Variants in CLASP1 observed in about 807,000 individuals in gnomAD.
CLASP1 encodes the protein CLIP-associating protein 1.
A neutral mutation model predicts 192.3 loss-of-function variants in CLASP1; 38 were observed. The observed-to-expected ratio is 0.20, with a 90% CI of 0.15 to 0.26. The LOEUF is 0.26. Among genes scored for constraint, CLASP1 ranks in the 10% least tolerant of loss-of-function variants. CLASP1 has a pLI of 1.00. For synonymous variants in CLASP1, 691 were observed against 712.8 expected, an observed-to-expected ratio of 0.97 and a Z score of 0.49; for missense variants, 1,433 against 1,932.5, an observed-to-expected ratio of 0.74 and a Z score of 4.85.
chr2:121,389,704 G>C (rs1221211157), intron 30 of CLASP1, among the ~76,000 whole-genome samples: 2 of 152,254 alleles, frequency 1.3e-5, no homozygotes, highest in Non-Finnish European at 2.9e-5. Context: ...TTATTTAAGA[G>C]ACAATATTTC....
At chr2:121,509,244 C>T (rs1168397915) in intron 7 of CLASP1, among the ~76,000 whole-genome samples, 1 of 152,142 alleles carries the variant, frequency 6.6e-6, no homozygotes, top group Admixed American at 6.5e-5. Flanking sequence ...GGCACGATCC[C>T]AGCTCACTGC....
intron 3 of CLASP1, 146 bp from the exon 4 acceptor site, chr2:121,528,926 C>A: frequency 1.5e-6 from 1 of 671,012 alleles, no homozygotes; most frequent in African/African-American, 1.8e-5. Context: ...TTGCTCACAG[C>A]TCTACTCTCC....
At chr2:121,530,601 G>C in intron 2 of CLASP1, 2 of 537,344 alleles carry the variant, frequency 3.7e-6, no homozygotes, top group East Asian at 2.9e-5. Flanking sequence ...TGGAGTTCAA[G>C]AGCGCGCCGC....
chr2:121,598,348 G>A (rs990248982), intron 2 of CLASP1, among the ~76,000 whole-genome samples: 1 of 152,230 alleles, frequency 6.6e-6, no homozygotes, highest in Non-Finnish European at 1.5e-5. Context: ...GAGTCTGAGT[G>A]AGAGAGGCAA....
chr2:121,617,776 A>G (rs1220851806), intron 1 of CLASP1, among the ~76,000 whole-genome samples: 4 of 152,108 alleles, frequency 2.6e-5, no homozygotes, highest in Non-Finnish European at 5.9e-5. Flanking sequence ...GCTCAGTCCA[A>G]TGCCTCTTGT....
At chr2:121,521,135 GA>G (rs1016718773) in intron 6 of CLASP1, among the ~76,000 whole-genome samples, 8 of 151,966 alleles carry the variant, frequency 5.3e-5, no homozygotes, top group Non-Finnish European at 4.4e-5. Flanking sequence ...TGTTTTTGAA[GA>G]AAAAAAGTCT....
chr2:121,408,550 A>C (rs1405019181), intron 24 of CLASP1, among the ~76,000 whole-genome samples: 1 of 152,226 alleles, frequency 6.6e-6, no homozygotes, highest in African/African-American at 2.4e-5. Context: ...TTCTTTAATA[A>C]TATGGCGTAT....
chr2:121,475,655 TTAAC>T (rs1294191296), intron 8 of CLASP1, among the ~76,000 whole-genome samples: 2 of 152,250 alleles, frequency 1.3e-5, no homozygotes, highest in African/African-American at 2.4e-5. Flanking sequence ...TTCTAGTGCT[TTAAC>T]TAAGGCAGAA....
At chr2:121,631,630 G>A (rs111333572) in intron 1 of CLASP1, among the ~76,000 whole-genome samples, 2 of 151,950 alleles carry the variant, frequency 1.3e-5, no homozygotes, top group African/African-American at 4.8e-5. Context: ...CATATTGCAG[G>A]CCAGGCACAG....
intron 9 of CLASP1, among the ~76,000 whole-genome samples, chr2:121,466,044 G>A (rs185271873): frequency 2.0e-5 from 3 of 152,214 alleles, no homozygotes; most frequent in East Asian, 1.9e-4. Context: ...AAACTTAAAC[G>A]TTAGACCTAA....
intron 2 of CLASP1, chr2:121,530,992 T>C: frequency 1.4e-6 from 1 of 700,350 alleles, no homozygotes; most frequent in Non-Finnish European, 2.6e-6. Context: ...TTTATTTTGG[T>C]GCAATTTTTG....
At chr2:121,361,049 T>C (rs1028252243) in intron 37 of CLASP1, among the ~76,000 whole-genome samples, 2 of 152,240 alleles carry the variant, frequency 1.3e-5, no homozygotes, top group African/African-American at 2.4e-5. Context: ...GACTCAACTT[T>C]AGACAGATAT....
intron 1 of CLASP1, among the ~76,000 whole-genome samples, chr2:121,611,805 TGAG>T (rs1452934500): frequency 2.3e-4 from 10 of 43,668 alleles, no homozygotes; most frequent in East Asian, 7.1e-4. Context: ...TGGAGGATGA[TGAG>T]GAGGAGTTAC....
At chr2:121,586,236 C>T (rs2061701528) in intron 2 of CLASP1, among the ~76,000 whole-genome samples, 1 of 152,152 alleles carries the variant, frequency 6.6e-6, no homozygotes, top group African/African-American at 2.4e-5. Flanking sequence ...AAGCAATTCT[C>T]CTGCCTCAGC....
At chr2:121,391,920 T>C (rs1040363704) in intron 30 of CLASP1, among the ~76,000 whole-genome samples, 1 of 152,122 alleles carries the variant, frequency 6.6e-6, no homozygotes, top group Non-Finnish European at 1.5e-5. Flanking sequence ...CAAAAAAGAC[T>C]TGAAAGAGAC....
chr2:121,559,103 C>T (rs2058843660), intron 2 of CLASP1, among the ~76,000 whole-genome samples: 1 of 152,118 alleles, frequency 6.6e-6, no homozygotes, highest in African/African-American at 2.4e-5. Context: ...TGGACCACAC[C>T]TCATGAGATG....
intron 2 of CLASP1, among the ~76,000 whole-genome samples, chr2:121,535,796 C>T (rs2104911527): frequency 6.6e-6 from 1 of 151,820 alleles, no homozygotes; most frequent in South Asian, 2.1e-4. Context: ...GTAGCTGGGA[C>T]TACAGGCGCG....
Position 121,422,395 on chromosome 2 carries a change from T to C in CLASP1, c.2212+2744A>G, listed in dbSNP as rs2079652978. Reference sequence around the variant, plus strand: ...AAAACCTTAACATTTAAAATACACATCCACAGAATGAAAGCTGCAAAAATG... The same window carrying C: ...AAAACCTTAACATTTAAAATACACACCCACAGAATGAAAGCTGCAAAAATG... On this transcript the variant is annotated intron_variant, in intron 22 of 39. Transcript: ENST00000263710. Among the ~76,000 whole-genome samples the C allele has an allele frequency of 2.6e-5, 4 of 152,178 alleles. No homozygotes were observed. In the South Asian group the frequency reaches 8.3e-4, roughly 31 times the overall value.
intron 34 of CLASP1, among the ~76,000 whole-genome samples, chr2:121,376,943 C>T (rs529791540): frequency 5.9e-5 from 9 of 152,272 alleles, no homozygotes; most frequent in Admixed American, 2.0e-4. Context: ...AAGCTCAGGG[C>T]TCCCACTGAT....
Sources: allele counts gnomAD v4.1 joint callset (sites outside exome capture counted in the v4.1 genomes callset), GRCh38; gene constraint gnomAD v4.1.1; transcripts MANE v1.5; gene names NCBI Gene and HGNC (gene_info 2026-07-23, HGNC 2026-07-21).